Variants in PRDM5 observed in about 807,000 individuals in gnomAD.
PRDM5 encodes the protein PR/SET domain 5, also known as PR domain zinc finger protein 5.
PRDM5 carries 56 observed loss-of-function variants against 81.2 expected under a neutral mutation model. The ratio of observed to expected loss-of-function variants is 0.69; its 90% CI spans 0.56 to 0.86. The LOEUF (loss-of-function observed/expected upper bound fraction) is 0.86, where lower values mean the gene tolerates loss of function less well. Among genes scored for constraint, PRDM5 ranks in the 40% least tolerant of loss-of-function variants. The probability of loss-of-function intolerance (pLI) is 0.00; values close to 1 mark genes in which losing one functional copy is unlikely to be tolerated. For synonymous variants in PRDM5, 267 were observed against 256.4 expected (o/e 1.04, Z -0.39); for missense variants, 697 against 770.1 (o/e 0.91, Z 1.12).
chr4:120,757,780 T>C (rs764484073), intron 13 of PRDM5, among the ~76,000 whole-genome samples: 21 of 151,838 alleles, frequency 1.4e-4, no homozygotes, highest in Non-Finnish European at 2.8e-4. Flanking sequence ...TTCTTCTTCT[T>C]CTCCCAGATA....
intron 2 of PRDM5, among the ~76,000 whole-genome samples, chr4:120,891,807 T>G (rs1764077300): frequency 1.3e-5 from 2 of 152,162 alleles, no homozygotes; most frequent in South Asian, 4.1e-4. Context: ...TTTTTGTATT[T>G]TTAGTAGACA....
chr4:120,738,861 T>C (rs1741493954), intron 14 of PRDM5, among the ~76,000 whole-genome samples: 1 of 152,236 alleles, frequency 6.6e-6, no homozygotes, highest in South Asian at 2.1e-4. Flanking sequence ...CAAAACTTAA[T>C]ACATTATTAT....
chr4:120,694,750 GAC>G lies in PRDM5; in HGVS notation c.*359_*360del. On this transcript the variant is annotated 3_prime_UTR_variant, in exon 16 of 16. Coordinates refer to ENST00000264808, the MANE Select transcript of PRDM5 (RefSeq NM_018699.4). ...ACACATACAGACACACAGACACACA[GAC>G]ACACAAAGAATAACAATAAAATAAA... 4.0e-6 allele frequency: 1 copy of G among 252,336 alleles called. No individual in the cohort carries two copies. The highest frequency in any genetic ancestry group is 4.7e-5 in the South Asian group (1 of 21,306). The allele number at this position is 252,336 out of a possible 1,614,324, so 15.6% of individuals were successfully genotyped here. A position where few individuals can be genotyped will look rare whatever the true frequency, so the allele number is the denominator to read the frequency against.
At chr4:120,711,918 G>T (rs1398692863) in intron 14 of PRDM5, among the ~76,000 whole-genome samples, 5 of 152,064 alleles carry the variant, frequency 3.3e-5, no homozygotes, top group African/African-American at 7.2e-5. Context: ...TCATCAAAAA[G>T]TTTCGTTCAG....
chr4:120,687,899 G>A (rs563474401), downstream of PRDM5, among the ~76,000 whole-genome samples: 1 of 152,140 alleles, frequency 6.6e-6, no homozygotes, highest in African/African-American at 2.4e-5. Context: ...TGGACTTCCC[G>A]ACATCCAGAA....
chr4:120,881,957 G>A (rs1438503808), intron 2 of PRDM5, among the ~76,000 whole-genome samples: 6 of 152,168 alleles, frequency 3.9e-5, no homozygotes, highest in Non-Finnish European at 4.4e-5. Context: ...CAGGAACCAA[G>A]CTGACCAAAT....
chr4:120,758,511 GAC>G (rs772856432), intron 13 of PRDM5, among the ~76,000 whole-genome samples: 1 of 152,098 alleles, frequency 6.6e-6, no homozygotes, highest in Non-Finnish European at 1.5e-5. Context: ...TGAAGACAGA[GAC>G]ACACAGGGAG....
intron 1 of PRDM5, among the ~76,000 whole-genome samples, chr4:120,910,358 T>C (rs543772223): frequency 1.3e-5 from 2 of 152,342 alleles, no homozygotes; most frequent in African/African-American, 4.8e-5. Flanking sequence ...ACCTAATTTA[T>C]ATTTGGCTTT....
intron 15 of PRDM5, among the ~76,000 whole-genome samples, chr4:120,700,570 G>T (rs1298600954): frequency 2.6e-5 from 4 of 152,222 alleles, no homozygotes; most frequent in African/African-American, 9.6e-5. Flanking sequence ...CTAATGTCCA[G>T]AATCTGTAAG....
chr4:120,757,393 C>T (rs1246213925), intron 13 of PRDM5, among the ~76,000 whole-genome samples: 5 of 152,194 alleles, frequency 3.3e-5, no homozygotes, highest in African/African-American at 1.2e-4. Context: ...CCTATGAGTA[C>T]AGTGACGATG....
chr4:120,801,811 T>C (rs937125140), intron 8 of PRDM5, among the ~76,000 whole-genome samples: 1 of 152,230 alleles, frequency 6.6e-6, no homozygotes, highest in Admixed American at 6.5e-5. Flanking sequence ...GGACCAATGA[T>C]ATGATTTGTA....
At chr4:120,905,732 C>T (rs1765726155) in intron 2 of PRDM5, among the ~76,000 whole-genome samples, 3 of 151,958 alleles carry the variant, frequency 2.0e-5, no homozygotes, top group African/African-American at 7.3e-5. Context: ...CTCTGAAGAC[C>T]CTTACTGATA....
intron 13 of PRDM5, among the ~76,000 whole-genome samples, chr4:120,768,676 C>T (rs1746769693): frequency 6.6e-6 from 1 of 152,174 alleles, no homozygotes. Context: ...AGCACAGACT[C>T]ACCCTTGTCA....
At chr4:120,716,483 A>G (rs1327329004) in intron 14 of PRDM5, among the ~76,000 whole-genome samples, 1 of 152,150 alleles carries the variant, frequency 6.6e-6, no homozygotes, top group African/African-American at 2.4e-5. Context: ...TGAAGGCCCC[A>G]CGAGCATACT....
intron 2 of PRDM5, among the ~76,000 whole-genome samples, chr4:120,901,112 G>C (rs1303716102): frequency 6.6e-6 from 1 of 151,900 alleles, no homozygotes; most frequent in African/African-American, 2.4e-5. Context: ...TAGCTTTGGG[G>C]GTACAAGTGG....
chr4:120,787,846 A>C (rs1313243482), intron 10 of PRDM5, among the ~76,000 whole-genome samples: 3 of 152,222 alleles, frequency 2.0e-5, no homozygotes, highest in Non-Finnish European at 4.4e-5. Context: ...GAATATTTCA[A>C]GTCTGGATAA....
chr4:120,730,655 T>G (rs2149082858), intron 14 of PRDM5, among the ~76,000 whole-genome samples: 1 of 152,338 alleles, frequency 6.6e-6, no homozygotes, highest in Non-Finnish European at 1.5e-5. Context: ...ATTGCCTATC[T>G]TTAAAACAAA....
intron 14 of PRDM5, among the ~76,000 whole-genome samples, chr4:120,720,505 A>T (rs1229942911): frequency 2.6e-5 from 4 of 152,170 alleles, no homozygotes; most frequent in Non-Finnish European, 5.9e-5. Flanking sequence ...TTTCTATTAC[A>T]CACAGCTGAG....
chr4:120,690,615 C>T (rs1055709748), downstream of PRDM5, among the ~76,000 whole-genome samples: 5 of 151,904 alleles, frequency 3.3e-5, no homozygotes, highest in African/African-American at 1.2e-4. Context: ...GGAAAGAAAG[C>T]ATTATTAGAT....
Sources: gnomAD v4.1 joint callset for allele counts (sites outside exome capture counted in the v4.1 genomes callset) on GRCh38, gnomAD v4.1.1 for gene constraint, MANE v1.5 for transcripts, NCBI Gene and HGNC (gene_info 2026-07-23, HGNC 2026-07-21) for gene names.